Variants in DSCAM observed in about 807,000 individuals in gnomAD.
The protein encoded by DSCAM is cell adhesion molecule DSCAM.
DSCAM carries 47 observed loss-of-function variants against 217.7 expected under a neutral mutation model. That is an observed-to-expected ratio of 0.22 (90% CI 0.17 to 0.28). The LOEUF (loss-of-function observed/expected upper bound fraction) is 0.28, where lower values mean the gene tolerates loss of function less well. Ranked by LOEUF, DSCAM falls within the 10% of genes least tolerant of loss-of-function variation. The pLI is 1.00. For synonymous variants in DSCAM, 1,056 were observed against 1,015.3 expected (o/e 1.04, Z -0.76); for missense variants, 2,080 against 2,618.3 (o/e 0.79, Z 4.49).
At chr21:40,067,673 A>C (rs1455956945) in intron 27 of DSCAM, among the ~76,000 whole-genome samples, 1 of 150,374 alleles carries the variant, frequency 6.7e-6, no homozygotes, top group Non-Finnish European at 1.5e-5. Flanking sequence ...GGTGCTGATT[A>C]TTTTCATAAG....
chr21:40,055,731 T>A lies in DSCAM; in HGVS notation c.5029A>T (p.Thr1677Ser). ...LLIEERDTME[T>S]IDDRSTVLLT... ...GGCAAATAGGGCAGCTTACCAATGGTCTCCATCGTGTCTCTCTCTTCAATC... is the reference window on the plus strand; with the variant it reads ...GGCAAATAGGGCAGCTTACCAATGGACTCCATCGTGTCTCTCTCTTCAATC... Residue 1677 changes from threonine to serine, a missense_variant, in exon 29 of 33, where the codon ACC becomes TCC. By Grantham distance (58) the Thr-to-Ser change is moderately conservative. This residue lies in a region of DSCAM where 1,144 missense variants were observed against 1,421.1 expected (regional missense o/e 0.81). Transcript: ENST00000400454. 1 of 1,611,656 alleles carries A rather than the reference T, an allele frequency of 6.2e-7. No individual in the cohort carries two copies. Among genetic ancestry groups the A allele is most frequent in the Non-Finnish European group, 8.5e-7 (1 of 1,177,904 alleles).
chr21:40,156,460 G>A (rs539564304), intron 16 of DSCAM, among the ~76,000 whole-genome samples: 13 of 152,314 alleles, frequency 8.5e-5, no homozygotes, highest in African/African-American at 2.2e-4. Flanking sequence ...GAAGGAGCCT[G>A]CCCACTGAAA....
rs116182906 is a variant in DSCAM, at chr21:40,520,993, A to G, written c.509-151748T>C. ...ATATTATGTATTGCTAAAAATTTAA[A>G]AATACTTTCATAGATTCTAATAAAA... On this transcript the variant is annotated intron_variant, in intron 3 of 32. Transcript: ENST00000400454. Among the ~76,000 whole-genome samples the G allele has an allele frequency of 6.6e-3, 1,001 of 152,328 alleles. 16 individuals carry two copies. Among genetic ancestry groups the G allele is most frequent in the African/African-American group, 0.023 (958 of 41,570 alleles).
chr21:40,575,433 G>GT lies in DSCAM; in HGVS notation c.508+117376dup, dbSNP rs553085668. Among the ~76,000 whole-genome samples the GT allele has an allele frequency of 1.4e-4, 21 of 152,184 alleles. No homozygotes were observed. The South Asian group carries it at 4.3e-3, about 32-fold the overall frequency. On this transcript the variant is annotated intron_variant, in intron 3 of 32. Transcript: ENST00000400454. Reference sequence around the variant, plus strand: ...AAACATATATAATTAAGACAGTGTAGTTTTGGCATAAGACAGACAATTAGA... The same window carrying GT: ...AAACATATATAATTAAGACAGTGTAGTTTTTGGCATAAGACAGACAATTAGA...
At chr21:40,765,646 A>G (rs2091380666) in intron 1 of DSCAM, among the ~76,000 whole-genome samples, 1 of 152,194 alleles carries the variant, frequency 6.6e-6, no homozygotes, top group Non-Finnish European at 1.5e-5. Context: ...AACATCCTTC[A>G]CACCTGGTAA....
At chr21:40,420,366 G>A (rs2075411781) in intron 3 of DSCAM, among the ~76,000 whole-genome samples, 1 of 152,094 alleles carries the variant, frequency 6.6e-6, no homozygotes, top group Admixed American at 6.6e-5. Flanking sequence ...CGTATCAAAA[G>A]CCTCTACATT....
chr21:40,074,908 A>G, intron 27 of DSCAM, 129 bp downstream of exon 27: 1 of 884,446 alleles, frequency 1.1e-6, no homozygotes, highest in South Asian at 1.9e-5. Flanking sequence ...AGAACCAGGC[A>G]GTGGAGGGAC....
Position 40,215,124 on chromosome 21 carries a change from C to A in DSCAM, c.2357-25886G>T, listed in dbSNP as rs2091230123. ...GTCCCAGCTACTCGGGAGGCTGAGG[C>A]AGGAGAATGGCGTGAACCCGGGAAG... On this transcript the variant is annotated intron_variant, in intron 11 of 32. Transcript: ENST00000400454. Among the ~76,000 whole-genome samples, 2 of 83,782 alleles carry A rather than the reference C, an allele frequency of 2.4e-5. 1 individual carries two copies. The highest frequency in any genetic ancestry group is 7.9e-5 in the African/African-American group (2 of 25,248). The allele number at this position is 83,782 out of a possible 152,430, so 55.0% of individuals were successfully genotyped here.
chr21:40,581,286 C>T (rs1167292746), intron 3 of DSCAM, among the ~76,000 whole-genome samples: 1 of 152,152 alleles, frequency 6.6e-6, no homozygotes, highest in Non-Finnish European at 1.5e-5. Context: ...TTTGCTAGTT[C>T]CATGGGCTGA....
intron 16 of DSCAM, among the ~76,000 whole-genome samples, chr21:40,151,548 T>C (rs980045401): frequency 2.0e-5 from 3 of 152,142 alleles, no homozygotes; most frequent in Non-Finnish European, 4.4e-5. Flanking sequence ...TTCTTGCAGA[T>C]GGAGAAGAGA....
chr21:40,583,242 A>G (rs1427997207), intron 3 of DSCAM, among the ~76,000 whole-genome samples: 1 of 152,230 alleles, frequency 6.6e-6, no homozygotes, highest in Non-Finnish European at 1.5e-5. Context: ...GCCAGTACAC[A>G]TTGTACCATC....
Position 40,826,216 on chromosome 21 carries a change from G to A in DSCAM, c.43+20403C>T, listed in dbSNP as rs551804857. On this transcript the variant is annotated intron_variant, in intron 1 of 32. Transcript: ENST00000400454. Reference sequence around the variant, plus strand: ...GACCTCTCTTAGGTGGTGATATTTGGACAGAGAACTGAAAGAAGTGAAGAA... The same window carrying A: ...GACCTCTCTTAGGTGGTGATATTTGAACAGAGAACTGAAAGAAGTGAAGAA... Among the ~76,000 whole-genome samples the A allele has an allele frequency of 1.1e-3, 172 of 152,354 alleles. 1 individual carries two copies. The highest frequency in any genetic ancestry group is 1.8e-3 in the Non-Finnish European group (125 of 68,034).
At chr21:40,432,511 C>T (rs919636081) in intron 3 of DSCAM, among the ~76,000 whole-genome samples, 2 of 152,146 alleles carry the variant, frequency 1.3e-5, no homozygotes, top group African/African-American at 4.8e-5. Flanking sequence ...TTCCAAAGAT[C>T]CTCAATTTAA....
intron 3 of DSCAM, among the ~76,000 whole-genome samples, chr21:40,642,792 G>A (rs1409102025): frequency 1.3e-5 from 2 of 152,090 alleles, no homozygotes; most frequent in Admixed American, 1.3e-4. Context: ...GTTCTGCCAT[G>A]TTGCCCAGGC....
At chr21:40,821,508 C>A (rs2091928136) in intron 1 of DSCAM, among the ~76,000 whole-genome samples, 1 of 152,136 alleles carries the variant, frequency 6.6e-6, no homozygotes, top group African/African-American at 2.4e-5. Context: ...GCAACAGCTT[C>A]ACTTCCATAA....
chr21:40,636,388 G>A (rs995331854), intron 3 of DSCAM, among the ~76,000 whole-genome samples: 2 of 151,948 alleles, frequency 1.3e-5, no homozygotes, highest in African/African-American at 4.8e-5. Context: ...GAGAGAGAGA[G>A]AAAGAAAGAG....
At chr21:40,573,438 C>A (rs1418643897) in intron 3 of DSCAM, among the ~76,000 whole-genome samples, 6 of 151,886 alleles carry the variant, frequency 4.0e-5, no homozygotes, top group Admixed American at 1.3e-4. Context: ...CAGATGATGA[C>A]CTATAGAAAA....
In DSCAM at chr21:40,513,996, G is replaced by A. The variant is rs1049014155; in HGVS notation, c.509-144751C>T. On this transcript the variant is annotated intron_variant, in intron 3 of 32. Coordinates refer to ENST00000400454, the MANE Select transcript of DSCAM (RefSeq NM_001389.5). ...CTTTGCACTCAAAACTGCTACATAAGCAATGCAGTGACAGATTGCATACAG... is the reference window on the plus strand; with the variant it reads ...CTTTGCACTCAAAACTGCTACATAAACAATGCAGTGACAGATTGCATACAG... Among the ~76,000 whole-genome samples the A allele has an allele frequency of 2.6e-5, 4 of 152,250 alleles. 1 individual carries two copies. Among genetic ancestry groups the A allele is most frequent in the South Asian group, 4.1e-4 (2 of 4,826 alleles).
intron 20 of DSCAM, among the ~76,000 whole-genome samples, chr21:40,118,665 C>T (rs527632706): frequency 5.3e-5 from 8 of 152,340 alleles, no homozygotes; most frequent in Non-Finnish European, 1.0e-4. Context: ...TTCCTCTGAT[C>T]ATATTACCCT....
Sources: allele counts gnomAD v4.1 joint callset (sites outside exome capture counted in the v4.1 genomes callset), GRCh38; gene constraint gnomAD v4.1.1; regional missense constraint gnomAD v4.1.1; transcripts MANE v1.5; gene names NCBI Gene and HGNC (gene_info 2026-07-23, HGNC 2026-07-21).